The following MARCHF1 variants were observed in gnomAD, a reference collection of about 807,000 sequenced individuals.
MARCHF1 encodes E3 ubiquitin-protein ligase MARCHF1.
In MARCHF1, 40 loss-of-function variants were observed where a neutral mutation model predicts 54.2. The ratio of observed to expected loss-of-function variants is 0.74; its 90% confidence interval spans 0.57 to 0.96. The LOEUF (loss-of-function observed/expected upper bound fraction) is 0.96, where lower values mean the gene tolerates loss of function less well. MARCHF1 is among the 40% of genes least tolerant of loss of function. MARCHF1 has a pLI of 0.00. For synonymous variants in MARCHF1, 236 were observed against 236.3 expected (o/e 1.00, Z 0.01); for missense variants, 586 against 656.5 (o/e 0.89, Z 1.17).
intron 3 of MARCHF1, among the ~76,000 whole-genome samples, chr4:163,945,812 A>C (rs531587967): frequency 1.8e-4 from 28 of 152,142 alleles, no homozygotes; most frequent in Non-Finnish European, 3.7e-4. Context: ...TTAAGAAAAA[A>C]GCTTTCATTT....
chr4:164,247,372 C>T (rs1033518136), intron 1 of MARCHF1, among the ~76,000 whole-genome samples: 24 of 144,924 alleles, frequency 1.7e-4, no homozygotes, highest in African/African-American at 5.8e-4. Flanking sequence ...AAACCAAACA[C>T]CGCATATTCT....
At chr4:164,095,081 C>A (rs1755381579) in intron 2 of MARCHF1, among the ~76,000 whole-genome samples, 2 of 152,004 alleles carry the variant, frequency 1.3e-5, no homozygotes, top group Non-Finnish European at 2.9e-5. Flanking sequence ...TTAGTTGATA[C>A]AACAAAATGC....
chr4:164,284,270 TAGG>T (rs1734090800), intron 1 of MARCHF1, among the ~76,000 whole-genome samples: 1 of 150,428 alleles, frequency 6.6e-6, no homozygotes, highest in Non-Finnish European at 1.5e-5. Flanking sequence ...AAAAGATATT[TAGG>T]AGGAGGCTCA....
At chr4:163,986,506 C>T (rs1009014198) in intron 3 of MARCHF1, among the ~76,000 whole-genome samples, 6 of 151,744 alleles carry the variant, frequency 4.0e-5, no homozygotes, top group African/African-American at 1.5e-4. Context: ...ACCTTGTGAT[C>T]CGCCCGCCTC....
intron 3 of MARCHF1, among the ~76,000 whole-genome samples, chr4:163,929,257 A>G (rs55899995): frequency 0.12 from 17,734 of 151,962 alleles, 1,079 homozygotes; most frequent in Non-Finnish European, 0.13. Flanking sequence ...CACATATTCA[A>G]ACAAATTACT....
intron 5 of MARCHF1, among the ~76,000 whole-genome samples, chr4:163,651,198 T>C (rs556100613): frequency 7.6e-4 from 115 of 151,940 alleles, no homozygotes; most frequent in Non-Finnish European, 1.5e-3. Context: ...GAAGTGGTCC[T>C]TGGAGTTCAT....
chr4:163,573,497 G>A (rs1222001060), intron 8 of MARCHF1, among the ~76,000 whole-genome samples: 2 of 123,350 alleles, frequency 1.6e-5, no homozygotes, highest in East Asian at 2.4e-4. Context: ...AGAGTGTGAT[G>A]TTCCCCTTCC....
intron 1 of MARCHF1, among the ~76,000 whole-genome samples, chr4:164,258,268 A>G (rs1733350387): frequency 1.3e-5 from 2 of 152,000 alleles, no homozygotes; most frequent in African/African-American, 4.8e-5. Context: ...AATAAGAGAG[A>G]AATAGTATTA....
At position 163,816,621 on chromosome 4, in the gene MARCHF1, A is replaced by T. The variant is rs183015454; in HGVS notation, c.111+37400T>A. 1.8e-4 allele frequency among the ~76,000 whole-genome samples: 27 copies of T among 152,294 alleles called. No individual in the cohort carries two copies. In the East Asian group the frequency reaches 4.4e-3, roughly 25 times the overall value. On this transcript the variant is annotated intron_variant, in intron 4 of 9. Coordinates refer to ENST00000514618, the MANE Select transcript of MARCHF1 (RefSeq NM_001394959.1). Reference sequence around the variant, plus strand: ...TGCATCAGGCTGTATTCTAAGAGGCATATATTTATTTGATTCTGACCACAG... The same window carrying T: ...TGCATCAGGCTGTATTCTAAGAGGCTTATATTTATTTGATTCTGACCACAG...
chr4:164,076,903 A>T (rs916956259), intron 2 of MARCHF1, among the ~76,000 whole-genome samples: 2 of 152,214 alleles, frequency 1.3e-5, no homozygotes, highest in South Asian at 2.1e-4. Context: ...ATGGAAAAAC[A>T]TTCCATGCTC....
rs571453649 is a variant in MARCHF1, at chr4:164,352,222, C to T, written c.-323+31648G>A. On this transcript the variant is annotated intron_variant, in intron 1 of 9. Coordinates refer to ENST00000514618, the MANE Select transcript of MARCHF1 (RefSeq NM_001394959.1). The stretch of plus-strand genomic sequence containing the variant: ...ATCCAGGAGAACTTCCCCAATCTAG[C>T]AAGGCAGGCCAATGTTCAGATTCAG... Among the ~76,000 whole-genome samples the T allele has an allele frequency of 8.5e-5, 10 of 117,430 alleles. 1 individual carries two copies. The East Asian group carries it at 2.5e-3, about 29-fold the overall frequency. 77.0% of individuals were successfully genotyped at this position (117,430 alleles called of 152,430 possible). A position where few individuals can be genotyped will look rare whatever the true frequency, so the allele number is the denominator to read the frequency against.
intron 1 of MARCHF1, among the ~76,000 whole-genome samples, chr4:164,236,689 G>T (rs1051458780): frequency 4.6e-5 from 7 of 152,086 alleles, no homozygotes; most frequent in African/African-American, 1.4e-4. Flanking sequence ...AGTGCCAAGG[G>T]TATTGATTTT....
intron 4 of MARCHF1, among the ~76,000 whole-genome samples, chr4:163,736,553 G>C (rs201191971): frequency 6.0e-4 from 88 of 146,498 alleles, no homozygotes; most frequent in African/African-American, 2.1e-3. Context: ...GTTGGGTGGG[G>C]GGGGGGACTA....
At chr4:164,013,544 A>T (rs1753471366) in intron 2 of MARCHF1, among the ~76,000 whole-genome samples, 1 of 152,174 alleles carries the variant, frequency 6.6e-6, no homozygotes, top group African/African-American at 2.4e-5. Context: ...AGAAGATTTT[A>T]AAAATCCAAT....
intron 2 of MARCHF1, among the ~76,000 whole-genome samples, chr4:164,015,348 C>G (rs986961482): frequency 6.6e-5 from 10 of 152,032 alleles, no homozygotes; most frequent in African/African-American, 2.4e-4. Flanking sequence ...AACTATAAAA[C>G]TACCAGAAGA....
intron 4 of MARCHF1, among the ~76,000 whole-genome samples, chr4:163,826,863 A>G (rs1748863020): frequency 6.6e-6 from 1 of 152,062 alleles, no homozygotes. Flanking sequence ...AGAGATAAAA[A>G]TTTGGTAAAA....
intron 4 of MARCHF1, among the ~76,000 whole-genome samples, chr4:163,753,162 G>A (rs1202489982): frequency 6.6e-6 from 1 of 151,996 alleles, no homozygotes; most frequent in East Asian, 1.9e-4. Context: ...TTTCTTTCTG[G>A]ATTAGGATAC....
At chr4:163,912,579 T>A (rs1751217713) in intron 3 of MARCHF1, among the ~76,000 whole-genome samples, 1 of 152,210 alleles carries the variant, frequency 6.6e-6, no homozygotes. Context: ...CTGATTTGAT[T>A]GTTTTCACCA....
At chr4:164,159,985 C>T (rs904904604) in intron 1 of MARCHF1, among the ~76,000 whole-genome samples, 1 of 152,110 alleles carries the variant, frequency 6.6e-6, no homozygotes, top group Non-Finnish European at 1.5e-5. Context: ...TTTTAACACC[C>T]TTCCTTCTGA....
Sources: allele counts gnomAD v4.1 joint callset (sites outside exome capture counted in the v4.1 genomes callset), GRCh38; gene constraint gnomAD v4.1.1; transcripts MANE v1.5; gene names NCBI Gene and HGNC (gene_info 2026-07-23, HGNC 2026-07-21).